DDX51: variants seen among roughly 807,000 people sequenced by gnomAD.
DDX51 encodes ATP-dependent RNA helicase DDX51.
DDX51 carries 67 observed loss-of-function variants against 74.6 expected under a neutral mutation model. That is an observed-to-expected ratio of 0.90 (90% confidence interval 0.74 to 1.10). The LOEUF is 1.10. Ranked by LOEUF, DDX51 falls within the 50% of genes least tolerant of loss-of-function variation. The pLI, the probability that DDX51 is intolerant of heterozygous loss-of-function variation, is 0.00. For synonymous variants in DDX51, 545 were observed against 402.9 expected (o/e 1.35, Z -4.22); for missense variants, 1,056 against 905.2 (o/e 1.17, Z -2.14).
rs765721747 is a variant in DDX51 at position 132,138,614 on chromosome 12, C to G, written c.*658G>C. ...TGCTGGGATTACAGGCATTTGCCAC[C>G]GCGCCCGGCAATTTTTTTTTTTGAG... On this transcript the variant is annotated 3_prime_UTR_variant, in exon 15 of 15. Coordinates refer to ENST00000397333, the MANE Select transcript of DDX51 (RefSeq NM_175066.4). 1 of 148,936 alleles carries G rather than the reference C, an allele frequency of 6.7e-6. No homozygotes were observed. Among genetic ancestry groups the G allele is most frequent in the South Asian group, 2.2e-4 (1 of 4,646 alleles). 9.2% of individuals were successfully genotyped at this position (148,936 alleles called of 1,614,324 possible). A position where few individuals can be genotyped will look rare whatever the true frequency, so the allele number is the denominator to read the frequency against.
At position 132,140,091 on chromosome 12, in the gene DDX51, C is replaced by G; in HGVS notation, c.1775+7G>C. ...GACCCCCCAGTGGCCGCTGCGCCAGCGCTCACCGGTGCACGTAGGTTCTCA... is the reference window on the plus strand; with the variant it reads ...GACCCCCCAGTGGCCGCTGCGCCAGGGCTCACCGGTGCACGTAGGTTCTCA... On this transcript the variant is annotated splice_region_variant and intron_variant, in intron 12 of 14. Coordinates refer to ENST00000397333, the MANE Select transcript of DDX51 (RefSeq NM_175066.4). The G allele has an allele frequency of 6.2e-7, 1 of 1,612,072 alleles. No individual in the cohort carries two copies. The highest frequency in any genetic ancestry group is 8.5e-7 in the Non-Finnish European group (1 of 1,179,530).
In DDX51 at chr12:132,139,087, A is replaced by T; in HGVS notation, c.*185T>A. ...GAAAGTGACAAGCCCTGAAGTCTCCAGTCGGGGCAGGTGCTTGAGCTCTGA... is the reference window on the plus strand; with the variant it reads ...GAAAGTGACAAGCCCTGAAGTCTCCTGTCGGGGCAGGTGCTTGAGCTCTGA... On this transcript the variant is annotated 3_prime_UTR_variant, in exon 15 of 15. Transcript: ENST00000397333. 1 of 779,794 alleles carries T rather than the reference A, an allele frequency of 1.3e-6. No individual in the cohort carries two copies. Among genetic ancestry groups the T allele is most frequent in the Non-Finnish European group, 2.0e-6 (1 of 492,700 alleles). The allele number at this position is 779,794 out of a possible 1,614,324, so 48.3% of individuals were successfully genotyped here. A position where few individuals can be genotyped will look rare whatever the true frequency, so the allele number is the denominator to read the frequency against.
At position 132,140,884 on chromosome 12, in the gene DDX51, C is replaced by A. The variant is rs772880022; in HGVS notation, c.1387G>T (p.Asp463Tyr). 2 of 1,613,564 alleles carry A rather than the reference C, an allele frequency of 1.2e-6. No homozygotes were observed. The highest frequency in any genetic ancestry group is 2.2e-5 in the East Asian group (1 of 44,892). The change falls in exon 9 of 15, where the codon GAT becomes TAT. Residue 463 changes from aspartate to tyrosine, a missense_variant. By Grantham distance (160) the Asp-to-Tyr change is radical. Transcript: ENST00000397333. The stretch of plus-strand genomic sequence containing the variant: ...CCCGAATCCCCGTCCCCATCTGTAT[C>A]TTCCAGGCCCCTGTGTGCTAGCCCT... ...STGLAHRGLEDTDGDGDSGKY... is the reference protein window; with the variant it reads ...STGLAHRGLEYTDGDGDSGKY...
Position 132,141,402 on chromosome 12 carries a change from G to T in DDX51, c.1123C>A (p.Arg375=), listed in dbSNP as rs770622017. The change falls in exon 8 of 15, where the codon CGG becomes AGG. Residue 375 remains arginine (R), a synonymous_variant. Transcript: ENST00000397333. ...LRFLIIDEAD[R]MIDSMHQSWL... is the part of the protein sequence containing the mutation. The stretch of plus-strand genomic sequence containing the variant: ...GACTGATGCATGCTGTCAATCATCC[G>T]GTCAGCCTCGTCGATAATCTGCAGG... 2 of 1,595,890 alleles carry T rather than the reference G, an allele frequency of 1.3e-6. No individual in the cohort carries two copies. Among genetic ancestry groups the T allele is most frequent in the Non-Finnish European group, 1.7e-6 (2 of 1,178,246 alleles).
chr12:132,143,043 G>T, intron 2 of DDX51, 165 bp from the exon 3 acceptor site: 2 of 884,364 alleles, frequency 2.3e-6, no homozygotes, highest in Non-Finnish European at 3.4e-6. Flanking sequence ...AAGTTAAACA[G>T]TAAAAGCAGA....
intron 5 of DDX51, 52 bp from the exon 6 acceptor site, chr12:132,142,008 C>T (rs973594736): frequency 3.7e-6 from 6 of 1,607,718 alleles, no homozygotes; most frequent in African/African-American, 2.7e-5. Context: ...CCACCTACTG[C>T]AGCAAAAAGG....
rs1253885511 is a variant in DDX51, at chr12:132,138,089, G to GT, written c.*1182dup. Reference sequence around the variant, plus strand: ...TCAGCTGACGGACATGTGGTTTCTAGTTTTTGGCTACTGTGAACAGTGCTG... The same window carrying GT: ...TCAGCTGACGGACATGTGGTTTCTAGTTTTTTGGCTACTGTGAACAGTGCTG... On this transcript the variant is annotated 3_prime_UTR_variant, in exon 15 of 15. Transcript: ENST00000397333. 3.9e-5 allele frequency: 6 copies of GT among 152,404 alleles called. No individual in the cohort carries two copies. The highest frequency in any genetic ancestry group is 3.3e-4 in the Admixed American group (5 of 15,308). The allele number at this position is 152,404 out of a possible 1,614,324, so 9.4% of individuals were successfully genotyped here.
Position 132,140,409 on chromosome 12 carries a change from G to A in DDX51, c.1673+14C>T, listed in dbSNP as rs770741280. On this transcript the variant is annotated intron_variant, in intron 11 of 14. Coordinates refer to ENST00000397333, the MANE Select transcript of DDX51 (RefSeq NM_175066.4). ...CCCACCCCACAGAGGCCTTGCCCCT[G>A]CCCAGGAACTCACAGCTGGATCTTC... 3 of 1,612,842 alleles carry A rather than the reference G, an allele frequency of 1.9e-6. No individual in the cohort carries two copies. The highest frequency in any genetic ancestry group is 2.2e-5 in the South Asian group (2 of 91,076).
At position 132,144,147 on chromosome 12, in the gene DDX51, C is replaced by A; in HGVS notation, c.150G>T (p.Glu50Asp). 8.4e-7 allele frequency: 1 copy of A among 1,183,770 alleles called. No individual in the cohort carries two copies. Among genetic ancestry groups the A allele is most frequent in the Non-Finnish European group, 1.0e-6 (1 of 957,820 alleles). 73.3% of individuals were successfully genotyped at this position (1,183,770 alleles called of 1,614,324 possible). The change falls in exon 1 of 15, where the codon GAG becomes GAT. Residue 50 changes from glutamate (E) to aspartate (D), a missense_variant. By Grantham distance (45) the Glu-to-Asp change is conservative (BLOSUM62 2). Transcript: ENST00000397333. ...SRARERQQQREPAQTEAAAST... is the reference protein window; with the variant it reads ...SRARERQQQRDPAQTEAAAST... ...ATGCAGCCGCCTCGGTCTGCGCGGG[C>A]TCCCGCTGCTGCTGCCGTTCGCGGG...
At position 132,142,426 on chromosome 12, in the gene DDX51, G is replaced by A. The variant is rs778688795; in HGVS notation, c.671-4C>T. ...GCAGGAATCACAGCTGCCTGGACTG[G>A]ATGAGGAAAGGCGAGAGAGAAGTCG... On this transcript the variant is annotated splice_region_variant and splice_polypyrimidine_tract_variant and intron_variant, in intron 3 of 14. Transcript: ENST00000397333. 4 of 1,611,276 alleles carry A rather than the reference G, an allele frequency of 2.5e-6. No homozygotes were observed. Among genetic ancestry groups the A allele is most frequent in the Non-Finnish European group, 3.4e-6 (4 of 1,179,864 alleles).
chr12:132,140,088 C>T lies in DDX51; in HGVS notation c.1775+10G>A, dbSNP rs370972760. On this transcript the variant is annotated intron_variant, in intron 12 of 14. Coordinates refer to ENST00000397333, the MANE Select transcript of DDX51 (RefSeq NM_175066.4). ...CCAGACCCCCCAGTGGCCGCTGCGC[C>T]AGCGCTCACCGGTGCACGTAGGTTC... The T allele has an allele frequency of 5.5e-5, 89 of 1,612,006 alleles. No individual in the cohort carries two copies. The African/African-American group carries it at 1.0e-3, about 18-fold the overall frequency.
chr12:132,141,367 C>A lies in DDX51; in HGVS notation c.1158G>T (p.Pro386=), dbSNP rs893244431. Residue 386 remains proline (P), a synonymous_variant, in exon 8 of 15, where the codon CCG becomes CCT. Coordinates refer to ENST00000397333, the MANE Select transcript of DDX51 (RefSeq NM_175066.4). The part of the protein sequence containing the change: ...MIDSMHQSWL[P]RVVAAAFQSE... ...TCTGGAAGGCGGCCGCCACCACCCG[C>A]GGCAGCCAGGACTGATGCATGCTGT... The A allele has an allele frequency of 6.3e-7, 1 of 1,598,508 alleles. No homozygotes were observed. Among genetic ancestry groups the A allele is most frequent in the Non-Finnish European group, 8.5e-7 (1 of 1,179,664 alleles).
Position 132,140,630 on chromosome 12 carries a change from TCTCTCGGG to T in DDX51, c.1538_1545del (p.Ser513Ter). On this transcript the variant is annotated frameshift_variant, in exon 10 of 15. Transcript: ENST00000397333. LOFTEE classifies it high-confidence loss of function. Reference sequence around the variant, plus strand: ...CAGCCGGGGCCTCACCTGTGGGAGTTCTCTCGGGAGTTAGTGAAGCAGAGAACCCTCGA... The same window carrying T: ...CAGCCGGGGCCTCACCTGTGGGAGTTAGTTAGTGAAGCAGAGAACCCTCGA... The T allele has an allele frequency of 6.2e-7, 1 of 1,612,758 alleles. No individual in the cohort carries two copies. Among genetic ancestry groups the T allele is most frequent in the Non-Finnish European group, 8.5e-7 (1 of 1,179,978 alleles).
rs767757275 is a variant in DDX51 at position 132,143,822 on chromosome 12, G to T, written c.392C>A (p.Ala131Glu). The change falls in exon 2 of 15, where the codon GCG (alanine) becomes GAG (glutamate). Residue 131 changes from alanine (A) to glutamate (E), a missense_variant. By Grantham distance (107) the Ala-to-Glu change is moderately radical. Transcript: ENST00000397333. ...GEPSAGSSEE[A>E]PGERSTSASA... ...GGCGCTGGTGCTGCGCTCCCCCGGC[G>T]CCTCCTCGCTGCTCCCTGCGCTGGG... 1.5e-5 allele frequency: 22 copies of T among 1,498,104 alleles called. No individual in the cohort carries two copies. Among genetic ancestry groups the T allele is most frequent in the Non-Finnish European group, 1.9e-5 (22 of 1,138,650 alleles). 92.8% of individuals were successfully genotyped at this position (1,498,104 alleles called of 1,614,324 possible). A position where few individuals can be genotyped will look rare whatever the true frequency, so the allele number is the denominator to read the frequency against.
At chr12:132,141,170 G>A (rs1450937768) in intron 8 of DDX51, 105 bp downstream of exon 8, 1 of 1,500,532 alleles carries the variant, frequency 6.7e-7, no homozygotes, top group Non-Finnish European at 8.9e-7. Flanking sequence ...GCGGTTCTGT[G>A]CACCAGAGCT....
rs1188646252 is a variant in DDX51 at position 132,137,615 on chromosome 12, T to C, written c.*1657A>G. On this transcript the variant is annotated 3_prime_UTR_variant, in exon 15 of 15. Transcript: ENST00000397333. ...CATCTAAGCTGAGGTCTGAACTGAG[T>C]GGGGTGGGCTGGTGTTTCCATCCTC... 6.6e-6 allele frequency: 1 copy of C among 152,166 alleles called. No individual in the cohort carries two copies. The highest frequency in any genetic ancestry group is 2.4e-5 in the African/African-American group (1 of 41,428). The allele number at this position is 152,166 out of a possible 1,614,324, so 9.4% of individuals were successfully genotyped here.
chr12:132,141,620 A>G lies in DDX51; in HGVS notation c.996-14T>C, dbSNP rs752899300. ...TACCCATCAGCTCTACAGACCAGAG[A>G]GCAGCTCGAGAGAAGGAAGCTTTCT... On this transcript the variant is annotated splice_polypyrimidine_tract_variant and intron_variant, in intron 6 of 14. Transcript: ENST00000397333. 7 of 1,560,188 alleles carry G rather than the reference A, an allele frequency of 4.5e-6. No homozygotes were observed. The South Asian group carries it at 6.0e-5, about 13-fold the overall frequency.
chr12:132,141,869 C>T lies in DDX51; in HGVS notation c.976G>A (p.Glu326Lys). ...TGQKSLAKEQESLVQKTADGY... is the reference protein window; with the variant it reads ...TGQKSLAKEQKSLVQKTADGY... ...ACCTACGTTTTCTGGACGAGGCTCT[C>T]CTGCTCCTTGGCCAGAGACTTCTGT... The change falls in exon 6 of 15, where the codon GAG becomes AAG. Residue 326 changes from glutamate to lysine, a missense_variant. Glu to Lys is a moderately conservative substitution (Grantham distance 56). Transcript: ENST00000397333. 1 of 1,613,184 alleles carries T rather than the reference C, an allele frequency of 6.2e-7. No homozygotes were observed. The highest frequency in any genetic ancestry group is 8.5e-7 in the Non-Finnish European group (1 of 1,180,002).
chr12:132,140,984 G>A lies in DDX51; in HGVS notation c.1287C>T (p.Leu429=), dbSNP rs372683976. The A allele has an allele frequency of 6.2e-7, 1 of 1,607,650 alleles. No individual in the cohort carries two copies. Among genetic ancestry groups the A allele is most frequent in the Non-Finnish European group, 8.5e-7 (1 of 1,178,148 alleles). ...CCPQMPLQKL[L]FSATLTQNPE... is the part of the protein sequence containing the mutation. The stretch of plus-strand genomic sequence containing the variant: ...GGTTCTGGGTCAGAGTAGCTGAGAA[G>A]AGCAGCTTCTGCAGGGGCATCTGGG... The change falls in exon 9 of 15, where the codon CTC becomes CTT. Residue 429 remains leucine (L), a synonymous_variant. Transcript: ENST00000397333.
Sources: allele counts gnomAD v4.1 joint callset, GRCh38; gene constraint gnomAD v4.1.1; transcripts MANE v1.5; gene names NCBI Gene and HGNC (gene_info 2026-07-23, HGNC 2026-07-21).